The following GPS1 variants were observed in gnomAD, a reference collection of about 807,000 sequenced individuals.
The protein encoded by GPS1 is G protein pathway suppressor 1.
A neutral mutation model predicts 60.0 loss-of-function variants in GPS1; 11 were observed. The ratio of observed to expected loss-of-function variants is 0.18; its 90% CI spans 0.12 to 0.30. The LOEUF (loss-of-function observed/expected upper bound fraction) is 0.30. GPS1 is among the 10% of genes least tolerant of loss of function. GPS1 has a pLI of 1.00. For missense variants in GPS1, 543 were observed against 669.2 expected, an observed-to-expected ratio of 0.81 and a Z score of 2.08; for synonymous variants, 343 against 269.8, an observed-to-expected ratio of 1.27 and a Z score of -2.66.
intron 12 of GPS1, 22 bp from the exon 13 acceptor site, chr17:82,057,031 C>G (rs889999667): frequency 1.9e-6 from 3 of 1,608,518 alleles, no homozygotes; most frequent in Non-Finnish European, 2.5e-6. Context: ...TGGCTGTGAG[C>G]TGCTCCTTGT....
At chr17:82,055,913 G>A in intron 7 of GPS1, 88 bp downstream of exon 7, 1 of 1,437,022 alleles carries the variant, frequency 7.0e-7, no homozygotes, top group Non-Finnish European at 9.7e-7. Flanking sequence ...CTCACAAATG[G>A]GGTCTTAGGC....
chr17:82,054,145 C>A, intron 3 of GPS1, 96 bp downstream of exon 3: 1 of 1,365,066 alleles, frequency 7.3e-7, no homozygotes. Context: ...ATCTCCCACC[C>A]CTGTGCTGGG....
Position 82,054,885 on chromosome 17 carries a change from G to T in GPS1, c.610-13G>T, listed in dbSNP as rs371520281. 6.4e-7 allele frequency: 1 copy of T among 1,569,276 alleles called. No homozygotes were observed. Among genetic ancestry groups the T allele is most frequent in the East Asian group, 2.3e-5 (1 of 44,426 alleles). ...GGCGCCCGGGCTCACTTGGCTCTGC[G>T]CCCCCCCGCCAGGTCAGCGTCTACT... On this transcript the variant is annotated splice_polypyrimidine_tract_variant and intron_variant, in intron 4 of 12. Coordinates refer to ENST00000578552, the MANE Select transcript of GPS1 (RefSeq NM_001321092.3).
In GPS1 at chr17:82,057,373, C is replaced by T. The variant is rs766405936; in HGVS notation, c.*246C>T. 8.5e-5 allele frequency: 58 copies of T among 684,388 alleles called. No homozygotes were observed. The highest frequency in any genetic ancestry group is 7.9e-4 in the African/African-American group (45 of 57,040). 42.4% of individuals were successfully genotyped at this position (684,388 alleles called of 1,614,324 possible). A position where few individuals can be genotyped will look rare whatever the true frequency, so the allele number is the denominator to read the frequency against. The stretch of plus-strand genomic sequence containing the variant: ...TCCCCAGGGAGCAGACTGTGCGGCA[C>T]CCAGGCCCAGTGGCACCATTTCCCA... On this transcript the variant is annotated 3_prime_UTR_variant, in exon 13 of 13. Transcript: ENST00000578552.
intron 6 of GPS1, 194 bp from the exon 7 acceptor site, chr17:82,055,546 C>G (rs778912705): frequency 1.6e-5 from 10 of 609,152 alleles, no homozygotes; most frequent in Non-Finnish European, 2.9e-5. Flanking sequence ...GGAGCCTCCT[C>G]AGCATTGGTG....
chr17:82,055,705 T>G, intron 6 of GPS1, 35 bp from the exon 7 acceptor site: 293 of 745,082 alleles, frequency 3.9e-4, no homozygotes, highest in Non-Finnish European at 6.1e-4. Context: ...TCTTACCCCC[T>G]CTCCCCCCTC....
rs758702155 is a variant in GPS1 at position 82,056,506 on chromosome 17, G to A, written c.1072G>A (p.Val358Ile). 2 of 1,613,174 alleles carry A rather than the reference G, an allele frequency of 1.2e-6. No homozygotes were observed. The highest frequency in any genetic ancestry group is 1.7e-6 in the Non-Finnish European group (2 of 1,180,004). ...LLLDMYLAPH[V>I]RTLYTQIRNR... ...CCTGGACATGTATCTGGCCCCCCATGTCAGGACCCTGTACACCCAGATTCG... is the reference window on the plus strand; with the variant it reads ...CCTGGACATGTATCTGGCCCCCCATATCAGGACCCTGTACACCCAGATTCG... The change falls in exon 10 of 13, where the codon GTC becomes ATC. Residue 358 changes from valine to isoleucine, a missense_variant. By Grantham distance (29) the Val-to-Ile change is conservative. Coordinates refer to ENST00000578552, the MANE Select transcript of GPS1 (RefSeq NM_001321092.3).
chr17:82,052,607 G>A lies in GPS1; in HGVS notation c.33+643G>A, dbSNP rs939686955. 68 of 988,886 alleles carry A rather than the reference G, an allele frequency of 6.9e-5. No individual in the cohort carries two copies. The African/African-American group carries it at 9.8e-4, about 14-fold the overall frequency. The allele number at this position is 988,886 out of a possible 1,614,324, so 61.3% of individuals were successfully genotyped here. A position where few individuals can be genotyped will look rare whatever the true frequency, so the allele number is the denominator to read the frequency against. ...AGGGGAGGGAGCCCCGGTGGGCCCG[G>A]GGCCTGCGGAGGGAGCCGAGCTCTT... is the stretch of plus-strand genomic sequence containing the variant. On this transcript the variant is annotated intron_variant, in intron 1 of 12. Transcript: ENST00000578552.
Position 82,055,977 on chromosome 17 carries a change from TGACGCCAG to T in GPS1, c.835-22_835-15del. 6.4e-7 allele frequency: 1 copy of T among 1,572,270 alleles called. No homozygotes were observed. The highest frequency in any genetic ancestry group is 8.7e-7 in the Non-Finnish European group (1 of 1,143,432). On this transcript the variant is annotated splice_polypyrimidine_tract_variant and intron_variant, in intron 7 of 12. Transcript: ENST00000578552. ...GGGTGGCCTGGCCCTTCACTGCCTG[TGACGCCAG>T]GTCTCTGCTCCTCAGCTGCTGTCCC...
chr17:82,054,747 C>T lies in GPS1; in HGVS notation c.546C>T (p.Ser182=). 3 of 1,611,882 alleles carry T rather than the reference C, an allele frequency of 1.9e-6. No individual in the cohort carries two copies. Among genetic ancestry groups the T allele is most frequent in the South Asian group, 1.1e-5 (1 of 91,066 alleles). The change falls in exon 4 of 13, where the codon TCC becomes TCT. Residue 182 remains serine (S), a synonymous_variant. Transcript: ENST00000578552. The part of the protein sequence containing the change: ...GDLSNALKCY[S]RARDYCTSAK... ...TCAGCAACGCCCTCAAGTGCTATTC[C>T]CGGGCCCGGGACTACTGCACCAGCG...
In GPS1 at chr17:82,051,984, C is replaced by T. The variant is rs757247683; in HGVS notation, c.33+20C>T. On this transcript the variant is annotated intron_variant, in intron 1 of 12. Transcript: ENST00000578552. The surrounding 1 kb of genome is among the most constrained non-coding windows in gnomAD (Gnocchi z 4.1). ...TTGCAGGTAACGAGCCGAGGCCGCC[C>T]CGGGCCTCCGCGCCCCCGCGCCCCC... The T allele has an allele frequency of 8.7e-7, 1 of 1,155,692 alleles. No individual in the cohort carries two copies. Among genetic ancestry groups the T allele is most frequent in the Non-Finnish European group, 1.1e-6 (1 of 938,178 alleles). 71.6% of individuals were successfully genotyped at this position (1,155,692 alleles called of 1,614,324 possible). A position where few individuals can be genotyped will look rare whatever the true frequency, so the allele number is the denominator to read the frequency against.
At chr17:82,051,098 G>A (rs960774989), upstream of GPS1, 6 of 1,360,064 alleles carry the variant, frequency 4.4e-6, no homozygotes, top group South Asian at 2.0e-5. This position sits in a 1 kb window ranked among gnomAD's most constrained non-coding sequence, Gnocchi z 4.1. Context: ...TAGTGTGAGA[G>A]GCTGGTGGGG....
chr17:82,053,890 G>A lies in GPS1; in HGVS notation c.149G>A (p.Ser50Asn), dbSNP rs778666837. 11 of 1,611,590 alleles carry A rather than the reference G, an allele frequency of 6.8e-6. No individual in the cohort carries two copies. Among genetic ancestry groups the A allele is most frequent in the Non-Finnish European group, 9.3e-6 (11 of 1,179,710 alleles). Residue 50 changes from serine to asparagine, a missense_variant, in exon 3 of 13, where the codon AGC (serine) becomes AAC (asparagine). Ser to Asn is a conservative substitution (Grantham distance 46). This residue lies in a region of GPS1 where 181 missense variants were observed against 188.8 expected (regional missense o/e 0.96). Transcript: ENST00000578552. ...CAGGATCTGGAACAGTACGCGGCCA[G>A]CTACAGCGGCCTGATGCGCATCGAA... is the stretch of plus-strand genomic sequence containing the variant. ...PSLDLEQYAA[S>N]YSGLMRIERL...
At chr17:82,053,063 G>C in intron 1 of GPS1, 1 of 412,984 alleles carries the variant, frequency 2.4e-6, no homozygotes, top group Non-Finnish European at 4.3e-6. Flanking sequence ...AGAGTCTTGT[G>C]AGGAGACCCC....
intron 1 of GPS1, 88 bp downstream of exon 1, chr17:82,052,052 T>C (rs1447523896): frequency 1.0e-6 from 1 of 1,003,458 alleles, no homozygotes; most frequent in Non-Finnish European, 1.2e-6. Flanking sequence ...GCGCGGGGCC[T>C]GCGCCAGGAG....
chr17:82,055,854 C>A, intron 7 of GPS1, 29 bp downstream of exon 7: 1 of 1,538,262 alleles, frequency 6.5e-7, no homozygotes, highest in Non-Finnish European at 8.8e-7. Flanking sequence ...ACTTGGGAGG[C>A]AGAGCATGGG....
intron 2 of GPS1, 67 bp downstream of exon 2, chr17:82,053,433 G>A (rs545285497): frequency 2.1e-4 from 238 of 1,123,886 alleles, no homozygotes; most frequent in Middle Eastern, 1.3e-3. Context: ...CACACTCCCC[G>A]CTGCAGCCTG....
chr17:82,054,999 C>T (rs1410535604), intron 5 of GPS1, 24 bp downstream of exon 5: 1 of 1,612,766 alleles, frequency 6.2e-7, no homozygotes, highest in East Asian at 2.2e-5. Flanking sequence ...CCTCAGAGAC[C>T]TTGCCCCCAG....
At chr17:82,053,745 CT>C (rs2031751230) in intron 2 of GPS1, 122 bp from the exon 3 acceptor site, 1 of 965,568 alleles carries the variant, frequency 1.0e-6, no homozygotes, top group Non-Finnish European at 1.5e-6. Context: ...ATGCCCGGTT[CT>C]GGTTATGGGC....
Sources: allele counts gnomAD v4.1 joint callset, GRCh38; gene constraint gnomAD v4.1.1; regional missense constraint gnomAD v4.1.1; non-coding constraint Gnocchi (gnomAD v3.1); transcripts MANE v1.5; gene names NCBI Gene and HGNC (gene_info 2026-07-23, HGNC 2026-07-21).